The following AIRE variants were observed in gnomAD, a reference collection of about 807,000 sequenced individuals.
AIRE encodes the protein autoimmune regulator.
A neutral mutation model predicts 62.1 loss-of-function variants in AIRE; 52 were observed. That is an observed-to-expected ratio of 0.84 (90% CI 0.67 to 1.06). AIRE has a LOEUF of 1.06. AIRE is among the 50% of genes least tolerant of loss of function. AIRE has a pLI of 0.00. For synonymous variants in AIRE, 342 were observed against 321.6 expected (o/e 1.06, Z -0.68); for missense variants, 774 against 755.8 (o/e 1.02, Z -0.28).
Position 44,287,598 on chromosome 21 carries a change from G to A in AIRE, c.538+7G>A, listed in dbSNP as rs575144370. ...CGCCTTCCACTCGGGAACGGTGAGC[G>A]GGGCCCAGTGGGAGCGCCTCCCTTC... On this transcript the variant is annotated splice_region_variant and intron_variant, in intron 4 of 13. Coordinates refer to ENST00000291582, the MANE Select transcript of AIRE (RefSeq NM_000383.4). This position sits in a 1 kb window ranked among gnomAD's most constrained non-coding sequence, Gnocchi z 4.3. 3.5e-5 allele frequency: 54 copies of A among 1,551,970 alleles called. No homozygotes were observed. The Admixed American group carries it at 5.1e-4, about 15-fold the overall frequency.
chr21:44,295,372 G>A (rs958673969), intron 12 of AIRE, among the ~76,000 whole-genome samples: 64 of 152,276 alleles, frequency 4.2e-4, no homozygotes, highest in Non-Finnish European at 2.2e-4. Context: ...GCCTGGCATG[G>A]CACAAGCCTC....
At position 44,288,341 on chromosome 21, in the gene AIRE, C is replaced by T; in HGVS notation, c.539-4C>T. The T allele has an allele frequency of 6.3e-7, 1 of 1,596,500 alleles. No individual in the cohort carries two copies. Among genetic ancestry groups the T allele is most frequent in the Non-Finnish European group, 8.6e-7 (1 of 1,164,984 alleles). On this transcript the variant is annotated splice_polypyrimidine_tract_variant and splice_region_variant and intron_variant, in intron 4 of 13. Coordinates refer to ENST00000291582, the MANE Select transcript of AIRE (RefSeq NM_000383.4). ...GTGACCCCAATGGGTGTTCCCTTTC[C>T]CAGGGATTCAGACCATGTCAGCTTC...
rs758446796 is a variant in AIRE, at chr21:44,293,858, G to T, written c.1348G>T (p.Ala450Ser). ...GTDVLRCTHC[A>S]AAFHWRCHFP... ...GGACGTGCTGCGGTGTACTCACTGCGCCGCTGCCTTCCACTGGCGCTGCCA... is the reference window on the plus strand; with the variant it reads ...GGACGTGCTGCGGTGTACTCACTGCTCCGCTGCCTTCCACTGGCGCTGCCA... Residue 450 changes from alanine to serine, a missense_variant, in exon 11 of 14, where the codon GCC becomes TCC. Physicochemically the swap from Ala to Ser is moderately conservative, Grantham distance 99. Around this residue, in one of 3 missense-constraint regions of AIRE, gnomAD observed 354 missense variants for 296.1 expected, o/e 1.20. Transcript: ENST00000291582. The T allele has an allele frequency of 6.3e-7, 1 of 1,596,784 alleles. No homozygotes were observed. Among genetic ancestry groups the T allele is most frequent in the Admixed American group, 1.7e-5 (1 of 59,948 alleles).
chr21:44,286,290 A>G lies in AIRE; in HGVS notation c.132+152A>G, dbSNP rs1214424504. The G allele has an allele frequency of 2.1e-6, 2 of 962,688 alleles. No homozygotes were observed. The highest frequency in any genetic ancestry group is 2.7e-5 in the East Asian group (1 of 37,144). 59.6% of individuals were successfully genotyped at this position (962,688 alleles called of 1,614,324 possible). ...CCACAAGGAGCCAGGGGCGTCCCTG[A>G]TGACAAGTTAGAAGTTGGTCCCCTT... On this transcript the variant is annotated intron_variant, in intron 1 of 13. Transcript: ENST00000291582. The surrounding 1 kb of genome is among the most constrained non-coding windows in gnomAD (Gnocchi z 6.0).
intron 7 of AIRE, chr21:44,290,808 T>G: frequency 1.1e-5 from 16 of 1,516,774 alleles, no homozygotes; most frequent in Middle Eastern, 1.8e-4. Context: ...GAAGGGTTCA[T>G]GTGGTTGGTG....
rs1050273003 is a variant in AIRE, at chr21:44,286,831, G to A, written c.307+100G>A. On this transcript the variant is annotated intron_variant, in intron 2 of 13. Transcript: ENST00000291582. This position sits in a 1 kb window ranked among gnomAD's most constrained non-coding sequence, Gnocchi z 6.0. ...AACCGGAGTGGTGTTTGAGGAGCCC[G>A]TGGGTGATGTTCCAGGACCGTCTTG... 5 of 1,563,568 alleles carry A rather than the reference G, an allele frequency of 3.2e-6. No individual in the cohort carries two copies. The African/African-American group carries it at 4.1e-5, about 13-fold the overall frequency.
intron 8 of AIRE, among the ~76,000 whole-genome samples, chr21:44,291,689 T>C (rs1359733812): frequency 6.6e-6 from 1 of 151,998 alleles, no homozygotes; most frequent in East Asian, 1.9e-4. Context: ...CACATCCCGG[T>C]GCTCCTTCCC....
In AIRE at chr21:44,293,093, C is replaced by A. The variant is rs747761045; in HGVS notation, c.1196C>A (p.Ala399Asp). 1.9e-5 allele frequency: 31 copies of A among 1,610,674 alleles called. No homozygotes were observed. The East Asian group carries it at 6.3e-4, about 32-fold the overall frequency. Reference protein sequence around the residue: ...DTTLVYKHLPAPPSAAPLPGL... With the variant: ...DTTLVYKHLPDPPSAAPLPGL... The stretch of plus-strand genomic sequence containing the variant: ...ACTCTTGTCTACAAGCACCTGCCGG[C>A]TCCGCCTTCTGCAGCCCCGCTGCCA... Residue 399 changes from alanine (A) to aspartate (D), a missense_variant, in exon 10 of 14, where the codon GCT becomes GAT. By Grantham distance (126) the Ala-to-Asp change is moderately radical. Coordinates refer to ENST00000291582, the MANE Select transcript of AIRE (RefSeq NM_000383.4).
In AIRE at chr21:44,293,775, G is replaced by T; in HGVS notation, c.1279-14G>T. The stretch of plus-strand genomic sequence containing the variant: ...CCGGCCCCCCGCGTCACCCCGCGCT[G>T]TTGCCTCCCACAGAACCTGGCTCCT... On this transcript the variant is annotated splice_polypyrimidine_tract_variant and intron_variant, in intron 10 of 13. Coordinates refer to ENST00000291582, the MANE Select transcript of AIRE (RefSeq NM_000383.4). The T allele has an allele frequency of 6.3e-7, 1 of 1,596,002 alleles. No individual in the cohort carries two copies. Among genetic ancestry groups the T allele is most frequent in the Non-Finnish European group, 8.5e-7 (1 of 1,179,466 alleles).
rs551151998 is a variant in AIRE at position 44,298,215 on chromosome 21, T to C, written c.*488T>C. On this transcript the variant is annotated 3_prime_UTR_variant, in exon 14 of 14. Coordinates refer to ENST00000291582, the MANE Select transcript of AIRE (RefSeq NM_000383.4). ...TCAGTTCAGTGGCATTCACATCTCA[T>C]GTAACCATTGCCACCACCATCTGCA... The C allele has an allele frequency of 1.4e-5, 3 of 214,292 alleles. No homozygotes were observed. The highest frequency in any genetic ancestry group is 1.3e-4 in the South Asian group (2 of 15,400). The allele number at this position is 214,292 out of a possible 1,614,324, so 13.3% of individuals were successfully genotyped here.
Position 44,294,474 on chromosome 21 carries a change from C to G in AIRE, c.1474C>G (p.Pro492Ala), listed in dbSNP as rs1211437538. 6 of 1,547,498 alleles carry G rather than the reference C, an allele frequency of 3.9e-6. No homozygotes were observed. Among genetic ancestry groups the G allele is most frequent in the Non-Finnish European group, 5.2e-6 (6 of 1,153,124 alleles). The change falls in exon 12 of 14, where the codon CCC becomes GCC. Residue 492 changes from proline (P) to alanine (A), a missense_variant. By Grantham distance (27) the Pro-to-Ala change is conservative. This residue lies in a region of AIRE where 354 missense variants were observed against 296.1 expected (regional missense o/e 1.20). Coordinates refer to ENST00000291582, the MANE Select transcript of AIRE (RefSeq NM_000383.4). Reference sequence around the variant, plus strand: ...TGTGGAGGGGGTGCTGGCCCCCAGCCCCGCCCGCCTGGCCCCTGGGCCTGC... The same window carrying G: ...TGTGGAGGGGGTGCTGGCCCCCAGCGCCGCCCGCCTGGCCCCTGGGCCTGC... ...APVEGVLAPS[P>A]ARLAPGPAKD...
chr21:44,290,754 G>C lies in AIRE; in HGVS notation c.880-341G>C, dbSNP rs1568928274. The C allele has an allele frequency of 4.2e-6, 6 of 1,441,378 alleles. No individual in the cohort carries two copies. In the East Asian group the frequency reaches 2.1e-4, roughly 50 times the overall value. 89.3% of individuals were successfully genotyped at this position (1,441,378 alleles called of 1,614,324 possible). A position where few individuals can be genotyped will look rare whatever the true frequency, so the allele number is the denominator to read the frequency against. On this transcript the variant is annotated intron_variant, in intron 7 of 13. Coordinates refer to ENST00000291582, the MANE Select transcript of AIRE (RefSeq NM_000383.4). ...AGGTGGAGGATTCAGCAGGCGCTGAGGTCGGGAGAGACCTCCCTGGGCCTG... is the reference window on the plus strand; with the variant it reads ...AGGTGGAGGATTCAGCAGGCGCTGACGTCGGGAGAGACCTCCCTGGGCCTG...
Position 44,293,040 on chromosome 21 carries a change from T to A in AIRE, c.1143T>A (p.Pro381=). The change falls in exon 10 of 14, where the codon CCT becomes CCA. Residue 381 remains proline (P), a synonymous_variant. Coordinates refer to ENST00000291582, the MANE Select transcript of AIRE (RefSeq NM_000383.4). The part of the protein sequence containing the change: ...RSAGEEVRGP[P]GEPLAGMDTT... ...CGGGAGAGGAGGTAAGAGGTCCACC[T>A]GGGGAACCCCTAGCCGGCATGGACA... The A allele has an allele frequency of 6.2e-7, 1 of 1,612,464 alleles. No homozygotes were observed. The highest frequency in any genetic ancestry group is 1.7e-5 in the Admixed American group (1 of 60,010).
chr21:44,288,898 G>A (rs572450161), intron 5 of AIRE: 51 of 189,744 alleles, frequency 2.7e-4, no homozygotes, highest in African/African-American at 9.5e-4. Context: ...CTGGCCAGCC[G>A]CTGACCCCAT....
At position 44,290,026 on chromosome 21, in the gene AIRE, T is replaced by C; in HGVS notation, c.837T>C (p.Val279=). ...CTAGGCTGGGCCAGCAGGGCAGCGT[T>C]CCCGCCCCTCTGGCCCTCCCCAGTG... ...GEARLGQQGS[V]PAPLALPSDP... The change falls in exon 7 of 14, where the codon GTT becomes GTC. Residue 279 remains valine (V), a synonymous_variant. Transcript: ENST00000291582. The C allele has an allele frequency of 1.2e-6, 2 of 1,611,032 alleles. No homozygotes were observed. Among genetic ancestry groups the C allele is most frequent in the Non-Finnish European group, 1.7e-6 (2 of 1,179,490 alleles).
In AIRE at chr21:44,287,614, G is replaced by A; in HGVS notation, c.538+23G>A. 4 of 1,546,804 alleles carry A rather than the reference G, an allele frequency of 2.6e-6. No homozygotes were observed. The highest frequency in any genetic ancestry group is 2.5e-5 in the East Asian group (1 of 40,806). On this transcript the variant is annotated intron_variant, in intron 4 of 13. Coordinates refer to ENST00000291582, the MANE Select transcript of AIRE (RefSeq NM_000383.4). The surrounding 1 kb of genome is among the most constrained non-coding windows in gnomAD (Gnocchi z 4.3). Reference sequence around the variant, plus strand: ...ACGGTGAGCGGGGCCCAGTGGGAGCGCCTCCCTTCTCCCTGGCCAGGGGCA... The same window carrying A: ...ACGGTGAGCGGGGCCCAGTGGGAGCACCTCCCTTCTCCCTGGCCAGGGGCA...
In AIRE at chr21:44,292,389, C is replaced by T. The variant is rs201010030; in HGVS notation, c.1083C>T (p.Pro361=). 2.5e-4 allele frequency: 383 copies of T among 1,554,128 alleles called. 3 individuals carry two copies. The African/African-American group carries it at 3.8e-3, about 16-fold the overall frequency. ...RAEEPRPQEP[P]VETPLPPGLR... The stretch of plus-strand genomic sequence containing the variant: ...AGGAGCCCCGGCCCCAGGAGCCACC[C>T]GTGGAGACCCCGGTATGGCCACGCC... Residue 361 remains proline, a synonymous_variant, in exon 9 of 14, where the codon CCC becomes CCT. Transcript: ENST00000291582.
At chr21:44,288,307 TC>T (rs1238980039) in intron 4 of AIRE, 37 bp from the exon 5 acceptor site, 1 of 1,470,106 alleles carries the variant, frequency 6.8e-7, no homozygotes, top group Non-Finnish European at 9.5e-7. Flanking sequence ...GGAACAGTCT[TC>T]CCCACGGGTG....
Position 44,289,975 on chromosome 21 carries a change from C to A in AIRE, c.799-13C>A, listed in dbSNP as rs1361794449. On this transcript the variant is annotated splice_polypyrimidine_tract_variant and intron_variant, in intron 6 of 13. Transcript: ENST00000291582. ...GAGGCTGCCCCCATTGCTGACGCCC[C>A]TCTTCCTTGCAGGGTGGAGGTGAGG... is the stretch of plus-strand genomic sequence containing the variant. 6.2e-7 allele frequency: 1 copy of A among 1,610,316 alleles called. No individual in the cohort carries two copies. Among genetic ancestry groups the A allele is most frequent in the South Asian group, 1.1e-5 (1 of 90,662 alleles).
Sources: allele counts gnomAD v4.1 joint callset (sites outside exome capture counted in the v4.1 genomes callset), GRCh38; gene constraint gnomAD v4.1.1; regional missense constraint gnomAD v4.1.1; non-coding constraint Gnocchi (gnomAD v3.1); transcripts MANE v1.5; gene names NCBI Gene and HGNC (gene_info 2026-07-23, HGNC 2026-07-21).